Variants in PAPPA2 observed in about 807,000 individuals in gnomAD.
PAPPA2 encodes the protein pappalysin-2.
PAPPA2 carries 86 observed loss-of-function variants against 176.4 expected under a neutral mutation model. That is an observed-to-expected ratio of 0.49 (90% CI 0.41 to 0.58). The LOEUF (loss-of-function observed/expected upper bound fraction) is 0.58, where lower values mean the gene tolerates loss of function less well. PAPPA2 is among the 20% of genes least tolerant of loss of function. The pLI is 0.00. For missense variants in PAPPA2, 2,073 were observed against 2,256.9 expected (o/e 0.92, Z 1.65); for synonymous variants, 809 against 852.2 (o/e 0.95, Z 0.88).
At chr1:176,760,445 TAGTG>T (rs1663646810) in intron 14 of PAPPA2, among the ~76,000 whole-genome samples, 1 of 152,238 alleles carries the variant, frequency 6.6e-6, no homozygotes, top group Non-Finnish European at 1.5e-5. Flanking sequence ...GCTTTACTCC[TAGTG>T]AGTATCAACA....
At position 176,789,892 on chromosome 1, in the gene PAPPA2, CT is replaced by C; in HGVS notation, c.4800del (p.Val1601CysfsTer60). ...CCTGTGGTGTGTGAGCCACCCCCTCCTGTGTTTGAAGGCATGTATGAATGTA... is the reference window on the plus strand; with the variant it reads ...CCTGTGGTGTGTGAGCCACCCCCTCCGTGTTTGAAGGCATGTATGAATGTA... ...CIPVVCEPPP[P>X]VFEGMYECTN... is the part of the protein sequence containing the mutation. On this transcript the variant is annotated frameshift_variant, in exon 18 of 23. Coordinates refer to ENST00000367662, the MANE Select transcript of PAPPA2 (RefSeq NM_020318.3). LOFTEE classifies it high-confidence loss of function. 1 of 1,614,168 alleles carries C rather than the reference CT, an allele frequency of 6.2e-7. No individual in the cohort carries two copies. The highest frequency in any genetic ancestry group is 8.5e-7 in the Non-Finnish European group (1 of 1,180,012).
intron 1 of PAPPA2, among the ~76,000 whole-genome samples, chr1:176,535,456 A>G (rs1039535820): frequency 2.6e-5 from 4 of 152,196 alleles, no homozygotes; most frequent in Non-Finnish European, 5.9e-5. Flanking sequence ...CAGATAACTA[A>G]CTGTACTGAT....
chr1:176,752,342 T>TAAAAAAA (rs58591760), intron 14 of PAPPA2, among the ~76,000 whole-genome samples: 7 of 96,476 alleles, frequency 7.3e-5, no homozygotes, highest in Non-Finnish European at 1.1e-4. Flanking sequence ...TAGAGTATAA[T>TAAAAAAA]AAAAAAAAAA....
intron 4 of PAPPA2, among the ~76,000 whole-genome samples, chr1:176,682,668 C>A (rs1659641388): frequency 6.6e-6 from 1 of 152,050 alleles, no homozygotes; most frequent in Non-Finnish European, 1.5e-5. Context: ...AGATTCACTT[C>A]TCTTTCTAGC....
intron 1 of PAPPA2, among the ~76,000 whole-genome samples, chr1:176,480,723 A>G (rs1652353356): frequency 6.6e-6 from 1 of 152,036 alleles, no homozygotes; most frequent in Non-Finnish European, 1.5e-5. Flanking sequence ...CTCCAGCAGT[A>G]ATTTCCTTCC....
At chr1:176,503,739 C>T (rs1412675417) in intron 1 of PAPPA2, among the ~76,000 whole-genome samples, 2 of 152,142 alleles carry the variant, frequency 1.3e-5, no homozygotes, top group Non-Finnish European at 2.9e-5. Context: ...AAGGATTAGG[C>T]AGAGGATTGG....
chr1:176,483,460 CTTTTTTTTTTTTTTTTTTT>C (rs56705620), intron 1 of PAPPA2, among the ~76,000 whole-genome samples: 9 of 48,588 alleles, frequency 1.9e-4, no homozygotes, highest in African/African-American at 6.6e-4. Context: ...ACTCAGACAT[CTTTTTTTTTTTTTTTTTTT>C]TTTTTTTTTG....
intron 3 of PAPPA2, among the ~76,000 whole-genome samples, chr1:176,617,980 T>C (rs984708940): frequency 6.6e-5 from 10 of 152,172 alleles, no homozygotes; most frequent in African/African-American, 2.4e-4. Context: ...GAAACTGTGC[T>C]CAGTAAAGGA....
chr1:176,702,510 T>C, intron 8 of PAPPA2, 97 bp from the exon 9 acceptor site: 1 of 1,517,382 alleles, frequency 6.6e-7, no homozygotes, highest in Non-Finnish European at 8.9e-7. Context: ...ATGTTTCCCA[T>C]AATATTTCCC....
chr1:176,791,013 C>A (rs1424442406), intron 18 of PAPPA2, among the ~76,000 whole-genome samples: 1 of 152,098 alleles, frequency 6.6e-6, no homozygotes, highest in Non-Finnish European at 1.5e-5. Context: ...CAGTGTAAAA[C>A]AACACCATCT....
intron 14 of PAPPA2, among the ~76,000 whole-genome samples, chr1:176,753,163 C>CT: frequency 6.6e-6 from 1 of 152,248 alleles, no homozygotes; most frequent in African/African-American, 2.4e-5. Flanking sequence ...CTTGGTTACA[C>CT]TATAGGTTAC....
intron 8 of PAPPA2, 59 bp downstream of exon 8, chr1:176,699,648 T>A (rs1466305925): frequency 6.6e-7 from 1 of 1,522,914 alleles, no homozygotes; most frequent in Non-Finnish European, 8.8e-7. Flanking sequence ...GTTTTGTTAC[T>A]TTTCCCCCAC....
intron 1 of PAPPA2, among the ~76,000 whole-genome samples, chr1:176,494,235 C>T (rs899627197): frequency 7.2e-5 from 11 of 152,122 alleles, no homozygotes; most frequent in Admixed American, 6.5e-4. Context: ...AAGACCCAGA[C>T]TAGAAATCAA....
chr1:176,679,849 T>G (rs1233905497), intron 4 of PAPPA2, among the ~76,000 whole-genome samples: 1 of 152,130 alleles, frequency 6.6e-6, no homozygotes, highest in Non-Finnish European at 1.5e-5. Context: ...AGTGGTTGAG[T>G]TGCATAAATA....
At chr1:176,821,515 A>G (rs996598821) in intron 21 of PAPPA2, among the ~76,000 whole-genome samples, 1 of 152,226 alleles carries the variant, frequency 6.6e-6, no homozygotes, top group African/African-American at 2.4e-5. Context: ...TCATGCATCT[A>G]CAAGTTGGCT....
At chr1:176,569,103 C>T (rs1652159083) in intron 2 of PAPPA2, among the ~76,000 whole-genome samples, 1 of 152,188 alleles carries the variant, frequency 6.6e-6, no homozygotes, top group Non-Finnish European at 1.5e-5. Flanking sequence ...CACAAACTTG[C>T]ACATCCATAT....
At chr1:176,698,522 T>G (rs929732610) in intron 7 of PAPPA2, among the ~76,000 whole-genome samples, 2 of 152,208 alleles carry the variant, frequency 1.3e-5, no homozygotes, top group Non-Finnish European at 2.9e-5. Flanking sequence ...TCCCACTCCA[T>G]AATATGTGTT....
At chr1:176,737,896 G>C (rs1662491100) in intron 12 of PAPPA2, among the ~76,000 whole-genome samples, 1 of 152,068 alleles carries the variant, frequency 6.6e-6, no homozygotes, top group Admixed American at 6.6e-5. Flanking sequence ...TGGGAAGGCT[G>C]GGTTTCCTCC....
chr1:176,716,932 G>T (rs187647627), intron 12 of PAPPA2, among the ~76,000 whole-genome samples: 5 of 152,120 alleles, frequency 3.3e-5, no homozygotes, highest in African/African-American at 1.2e-4. Context: ...ATATAAAAAT[G>T]TTAGCAGCAC....
Sources: gnomAD v4.1 joint callset for allele counts (sites outside exome capture counted in the v4.1 genomes callset) on GRCh38, gnomAD v4.1.1 for gene constraint, MANE v1.5 for transcripts, NCBI Gene and HGNC (gene_info 2026-07-23, HGNC 2026-07-21) for gene names.